Variants in MAMDC2 observed in about 807,000 individuals in gnomAD.
MAMDC2 encodes MAM domain containing 2.
A neutral mutation model predicts 89.8 loss-of-function variants in MAMDC2; 57 were observed. The observed-to-expected ratio is 0.63, with a 90% CI of 0.51 to 0.79. The LOEUF (loss-of-function observed/expected upper bound fraction) is 0.79. MAMDC2 is among the 30% of genes least tolerant of loss of function. The pLI is 0.00. For missense variants in MAMDC2, 800 were observed against 820.6 expected (o/e 0.97, Z 0.31); for synonymous variants, 313 against 293.4 (o/e 1.07, Z -0.68).
chr9:70,130,005 A>G (rs1176436503), intron 6 of MAMDC2, among the ~76,000 whole-genome samples: 2 of 80,386 alleles, frequency 2.5e-5, no homozygotes, highest in African/African-American at 1.1e-4. Flanking sequence ...TTCACATGGC[A>G]TTCTGTGTGT....
At chr9:70,145,737 A>AT in intron 9 of MAMDC2, among the ~76,000 whole-genome samples, 1 of 152,028 alleles carries the variant, frequency 6.6e-6, no homozygotes, top group South Asian at 2.1e-4. Flanking sequence ...GATTTAATTA[A>AT]TTATTTATTT....
chr9:70,185,517 G>T (rs2032735218), intron 11 of MAMDC2, among the ~76,000 whole-genome samples: 1 of 152,176 alleles, frequency 6.6e-6, no homozygotes, highest in Non-Finnish European at 1.5e-5. Flanking sequence ...TTCCCCCAGG[G>T]GCTCTGTCCC....
chr9:70,207,748 G>A (rs989445997), intron 11 of MAMDC2, among the ~76,000 whole-genome samples: 1 of 152,050 alleles, frequency 6.6e-6, no homozygotes, highest in Non-Finnish European at 1.5e-5. Flanking sequence ...TTTCTTCTAG[G>A]GTTTTTATGG....
chr9:70,134,984 G>A (rs1401073229), intron 7 of MAMDC2, among the ~76,000 whole-genome samples: 1 of 152,156 alleles, frequency 6.6e-6, no homozygotes, highest in African/African-American at 2.4e-5. Context: ...TTTAGTCTGT[G>A]GGACCGATGT....
chr9:70,049,720 T>C (rs1023839015), intron 2 of MAMDC2, among the ~76,000 whole-genome samples: 4 of 152,204 alleles, frequency 2.6e-5, no homozygotes, highest in African/African-American at 7.2e-5. Context: ...CTGGGAGAGA[T>C]GGTCGACCCC....
At chr9:70,190,198 C>A (rs977387558) in intron 11 of MAMDC2, among the ~76,000 whole-genome samples, 2 of 152,044 alleles carry the variant, frequency 1.3e-5, no homozygotes, top group Admixed American at 6.6e-5. Context: ...TTGAATAATA[C>A]AGTTTTACAG....
intron 11 of MAMDC2, among the ~76,000 whole-genome samples, chr9:70,211,290 A>G (rs1357254018): frequency 6.6e-6 from 1 of 152,226 alleles, no homozygotes; most frequent in African/African-American, 2.4e-5. Flanking sequence ...GTCTTTTGAC[A>G]TAGTCCCATA....
chr9:70,129,985 T>A (rs2030722843), intron 6 of MAMDC2, among the ~76,000 whole-genome samples: 1 of 149,946 alleles, frequency 6.7e-6, no homozygotes, highest in East Asian at 2.0e-4. Context: ...TGTAGCTCTC[T>A]GCCTTCATTT....
In MAMDC2 at chr9:70,143,806, C is replaced by T. The variant is rs772612673; in HGVS notation, c.1391C>T (p.Pro464Leu). The T allele has an allele frequency of 1.2e-6, 2 of 1,613,910 alleles. No individual in the cohort carries two copies. Among genetic ancestry groups the T allele is most frequent in the Non-Finnish European group, 1.7e-6 (2 of 1,179,838 alleles). The change falls in exon 9 of 14, where the codon CCC becomes CTC. Residue 464 changes from proline to leucine, a missense_variant. Coordinates refer to ENST00000377182, the MANE Select transcript of MAMDC2 (RefSeq NM_153267.5). ...WMQAEITFKK[P>L]MPTKVVFMSL... ...CAAGCTGAAATCACCTTTAAGAAGC[C>T]CATGCCTACCAAGGTACAGCAGAGC... is the stretch of plus-strand genomic sequence containing the variant.
rs1479053295 is a variant in MAMDC2 at position 70,163,217 on chromosome 9, ATTTC to A, written c.1405-5473_1405-5470del. On this transcript the variant is annotated intron_variant, in intron 9 of 13. Coordinates refer to ENST00000377182, the MANE Select transcript of MAMDC2 (RefSeq NM_153267.5). ...CCTTTTGTTTCCAGGGCTTCAGGAT[ATTTC>A]TTTCTTTCTTTTTTTTTTTTTTTTT... 2.5e-4 allele frequency among the ~76,000 whole-genome samples: 6 copies of A among 23,578 alleles called. 1 individual carries two copies. The South Asian group carries it at 3.7e-3, about 14-fold the overall frequency. 15.5% of individuals were successfully genotyped at this position (23,578 alleles called of 152,430 possible).
chr9:70,058,368 G>C (rs994430796), intron 2 of MAMDC2, among the ~76,000 whole-genome samples: 13 of 152,112 alleles, frequency 8.5e-5, no homozygotes, highest in African/African-American at 3.1e-4. Flanking sequence ...ATTCTGCTTT[G>C]TCACCTCTCT....
chr9:70,144,392 T>C (rs770778120), intron 9 of MAMDC2, among the ~76,000 whole-genome samples: 11 of 152,108 alleles, frequency 7.2e-5, no homozygotes, highest in Non-Finnish European at 1.3e-4. Flanking sequence ...AATGAGAATA[T>C]AAAAAGAGAT....
chr9:70,187,352 C>A (rs764758381), intron 11 of MAMDC2, among the ~76,000 whole-genome samples: 1 of 151,802 alleles, frequency 6.6e-6, no homozygotes. Flanking sequence ...TGAATCTTAG[C>A]GATGTTCAGT....
chr9:70,221,380 T>TATATATATATAGAGAGAGAG, intron 12 of MAMDC2, among the ~76,000 whole-genome samples: 1 of 7,044 alleles, frequency 1.4e-4, no homozygotes, highest in East Asian at 9.8e-3. Context: ...TATATATATA[T>TATATATATATAGAGAGAGAG]AGAGAGAGAG....
chr9:70,077,471 A>C (rs1827558707), intron 2 of MAMDC2, among the ~76,000 whole-genome samples: 1 of 152,240 alleles, frequency 6.6e-6, no homozygotes, highest in Admixed American at 6.5e-5. Context: ...TGAGCAGTAG[A>C]GATGTGGCTG....
At chr9:70,067,911 C>G (rs556423937) in intron 2 of MAMDC2, among the ~76,000 whole-genome samples, 41 of 152,316 alleles carry the variant, frequency 2.7e-4, no homozygotes, top group Non-Finnish European at 5.7e-4. Flanking sequence ...CAGCCCCATG[C>G]AGGTCTGAAT....
At position 70,095,713 on chromosome 9, in the gene MAMDC2, C is replaced by T. The variant is rs144374532; in HGVS notation, c.149-12498C>T. 7.9e-3 allele frequency among the ~76,000 whole-genome samples: 1,209 copies of T among 152,284 alleles called. 9 individuals are homozygous for T. Among genetic ancestry groups the T allele is most frequent in the African/African-American group, 0.028 (1,148 of 41,556 alleles). On this transcript the variant is annotated intron_variant, in intron 2 of 13. Coordinates refer to ENST00000377182, the MANE Select transcript of MAMDC2 (RefSeq NM_153267.5). ...GACTTGGGAATTACCTCTGTATAAACGAAGCTGGAAGGCATGGGAGAAGTC... is the reference window on the plus strand; with the variant it reads ...GACTTGGGAATTACCTCTGTATAAATGAAGCTGGAAGGCATGGGAGAAGTC...
chr9:70,056,608 G>A (rs921794434), intron 2 of MAMDC2, among the ~76,000 whole-genome samples: 12 of 152,228 alleles, frequency 7.9e-5, no homozygotes, highest in East Asian at 1.9e-4. Context: ...GTATTGGCAC[G>A]CGGCGTGATT....
intron 8 of MAMDC2, among the ~76,000 whole-genome samples, chr9:70,143,321 T>C (rs1218910875): frequency 6.6e-6 from 1 of 152,240 alleles, no homozygotes; most frequent in Non-Finnish European, 1.5e-5. Flanking sequence ...GCATATTCTA[T>C]AGAAAATCTG....
Sources: gnomAD v4.1 joint callset for allele counts (sites outside exome capture counted in the v4.1 genomes callset) on GRCh38, gnomAD v4.1.1 for gene constraint, MANE v1.5 for transcripts, NCBI Gene and HGNC (gene_info 2026-07-23, HGNC 2026-07-21) for gene names.